Variants in MAGT1 observed in about 807,000 individuals in gnomAD.
MAGT1 encodes dolichyl-diphosphooligosaccharide--protein glycosyltransferase subunit MAGT1.
Under a neutral mutation model 28.4 loss-of-function variants are expected in MAGT1, and 4 were observed. The ratio of observed to expected loss-of-function variants is 0.14; its 90% CI spans 0.07 to 0.32. The LOEUF (loss-of-function observed/expected upper bound fraction) is 0.32. Among genes scored for constraint, MAGT1 ranks in the 10% least tolerant of loss-of-function variants. MAGT1 has a pLI of 1.00. For missense variants in MAGT1, 193 were observed against 264.5 expected, an observed-to-expected ratio of 0.73 and a Z score of 1.88; for synonymous variants, 89 against 89.7, an observed-to-expected ratio of 0.99 and a Z score of 0.04.
At chrX:77,869,110 G>T (rs2077014338) in intron 3 of MAGT1, among the ~76,000 whole-genome samples, 1 of 111,311 alleles carries the variant, frequency 9.0e-6, no homozygotes, top group Admixed American at 9.6e-5. Flanking sequence ...CCGCTTCCTG[G>T]GTTCAAGTGA....
intron 1 of MAGT1, among the ~76,000 whole-genome samples, chrX:77,883,840 G>A (rs1022758484): frequency 6.4e-5 from 7 of 109,952 alleles, no homozygotes; most frequent in Non-Finnish European, 1.1e-4. Flanking sequence ...ACCTTGCCCC[G>A]ACTGGGTTCA....
intron 9 of MAGT1, 111 bp from the exon 10 acceptor site, chrX:77,829,346 T>C (rs921343581): frequency 8.8e-6 from 5 of 569,159 alleles, no homozygotes; most frequent in Non-Finnish European, 1.4e-5. Flanking sequence ...TTTTGGTACG[T>C]ACATGATAAT....
rs1557218018 is a variant in MAGT1, at chrX:77,877,856, AT to A, written c.103-2260del. On this transcript the variant is annotated intron_variant, in intron 1 of 9. Coordinates refer to ENST00000618282, the MANE Select transcript of MAGT1 (RefSeq NM_001367916.1). ...ATAAAATAAAATAAAATAAAATAAA[AT>A]AAAATAAAATAAAATATACTGACAA... Among the ~76,000 whole-genome samples, 53 of 107,231 alleles carry A rather than the reference AT, an allele frequency of 4.9e-4. 2 individuals carry two copies. In the East Asian group the frequency reaches 0.012, roughly 25 times the overall value. 93.1% of individuals were successfully genotyped at this position (107,231 alleles called of 115,157 possible).
intron 1 of MAGT1, among the ~76,000 whole-genome samples, chrX:77,889,140 ATTT>A (rs782124850): frequency 1.5e-5 from 1 of 68,300 alleles, no homozygotes; most frequent in African/African-American, 5.6e-5. Context: ...ATGCTCTGCT[ATTT>A]TTTTTTTTTT....
At chrX:77,891,131 A>G (rs2077081085) in intron 1 of MAGT1, among the ~76,000 whole-genome samples, 1 of 110,874 alleles carries the variant, frequency 9.0e-6, no homozygotes, top group Non-Finnish European at 1.9e-5. Context: ...CTTCCCTTCC[A>G]CAACAGGGGG....
chrX:77,864,341 G>C (rs2077003030), intron 3 of MAGT1, among the ~76,000 whole-genome samples: 1 of 110,358 alleles, frequency 9.1e-6, no homozygotes, highest in Non-Finnish European at 1.9e-5. Flanking sequence ...CAGTTAGAAG[G>C]AGTAAGATCT....
At chrX:77,870,724 G>A (rs1337878564) in intron 3 of MAGT1, 84 bp downstream of exon 3, 5 of 670,212 alleles carry the variant, frequency 7.5e-6, no homozygotes, top group Non-Finnish European at 9.7e-6. Context: ...CCCATTTAAT[G>A]TCTTATAGCC....
At chrX:77,882,824 G>A (rs148008286) in intron 1 of MAGT1, among the ~76,000 whole-genome samples, 11 of 106,571 alleles carry the variant, frequency 1.0e-4, no homozygotes, top group East Asian at 5.8e-4. Context: ...AAAATTGGTC[G>A]GATGTGGTGG....
At chrX:77,842,265 A>AT (rs1569547890) in intron 7 of MAGT1, among the ~76,000 whole-genome samples, 3 of 108,833 alleles carry the variant, frequency 2.8e-5, no homozygotes, top group African/African-American at 1.0e-4. Flanking sequence ...CTGGTGGCAC[A>AT]TACCTGTAGT....
At chrX:77,838,529 G>C (rs1291196403) in intron 8 of MAGT1, among the ~76,000 whole-genome samples, 2 of 110,247 alleles carry the variant, frequency 1.8e-5, no homozygotes, top group Non-Finnish European at 3.8e-5. Flanking sequence ...GGAGGCTGAG[G>C]CAGGCACATC....
Position 77,826,083 on chromosome X carries a change from G to A in MAGT1, c.*3137C>T, listed in dbSNP as rs2076882420. 8.9e-6 allele frequency among the ~76,000 whole-genome samples: 1 copy of A among 112,091 alleles called. No individual in the cohort carries two copies. Among genetic ancestry groups the A allele is most frequent in the Admixed American group, 9.5e-5 (1 of 10,477 alleles). On this transcript the variant is annotated 3_prime_UTR_variant, in exon 10 of 10. Transcript: ENST00000618282. ...GAATGTTCACTGTCTGGGACGAAAG[G>A]TAGATCAATTGTTGCAAACAGTCAT...
At chrX:77,871,084 T>A (rs1441399720) in intron 2 of MAGT1, among the ~76,000 whole-genome samples, 159 bp from the exon 3 acceptor site, 1 of 112,270 alleles carries the variant, frequency 8.9e-6, no homozygotes, top group Non-Finnish European at 1.9e-5. Context: ...GCTGACAGGG[T>A]TAAGACAAAT....
intron 1 of MAGT1, among the ~76,000 whole-genome samples, chrX:77,878,574 G>A (rs183362232): frequency 7.8e-4 from 83 of 106,878 alleles, no homozygotes; most frequent in African/African-American, 1.6e-3. Flanking sequence ...ATCACCTGAG[G>A]TCAGGAGTTT....
chrX:77,877,271 C>T (rs1375267819), intron 1 of MAGT1, among the ~76,000 whole-genome samples: 1 of 109,597 alleles, frequency 9.1e-6, no homozygotes, highest in Non-Finnish European at 1.9e-5. Context: ...GTGGGCAGAT[C>T]ACTTGAGGCT....
chrX:77,887,896 T>C (rs1414436873), intron 1 of MAGT1, among the ~76,000 whole-genome samples: 1 of 111,846 alleles, frequency 8.9e-6, no homozygotes, highest in Non-Finnish European at 1.9e-5. Flanking sequence ...CAACTTCTGC[T>C]TCCCGGGTTC....
At chrX:77,877,013 C>CAAAAAAAA (rs782800456) in intron 1 of MAGT1, among the ~76,000 whole-genome samples, 3 of 10,637 alleles carry the variant, frequency 2.8e-4, no homozygotes, top group Non-Finnish European at 3.8e-4. Flanking sequence ...AACTCCATCT[C>CAAAAAAAA]AAAAAAAAAA....
intron 7 of MAGT1, among the ~76,000 whole-genome samples, chrX:77,849,355 T>C (rs183029089): frequency 1.0e-3 from 110 of 110,287 alleles, no homozygotes; most frequent in African/African-American, 3.4e-3. Context: ...GCTGGTATTA[T>C]AGGCATGAGC....
rs72197791 is a variant in MAGT1 at position 77,832,822 on chromosome X, C to CAA, written c.902-1929_902-1928dup. ...TAGGCGAAAAAGCAAGCCTCTGTCT[C>CAA]AAAAAAAAAAAAAAAAAAAAAAAAA... On this transcript the variant is annotated intron_variant, in intron 8 of 9. Transcript: ENST00000618282. Among the ~76,000 whole-genome samples the CAA allele has an allele frequency of 4.0e-4, 13 of 32,347 alleles. 1 individual carries two copies. Among genetic ancestry groups the CAA allele is most frequent in the African/African-American group, 1.1e-3 (8 of 7,098 alleles). 28.1% of individuals were successfully genotyped at this position (32,347 alleles called of 115,157 possible). A position where few individuals can be genotyped will look rare whatever the true frequency, so the allele number is the denominator to read the frequency against.
intron 7 of MAGT1, among the ~76,000 whole-genome samples, chrX:77,848,800 C>A (rs1411664958): frequency 1.8e-5 from 2 of 110,483 alleles, no homozygotes; most frequent in Middle Eastern, 4.7e-3. Flanking sequence ...ATTGTTTGAG[C>A]CCAGGAGATT....
Sources: gnomAD v4.1 joint callset for allele counts (sites outside exome capture counted in the v4.1 genomes callset) on GRCh38, gnomAD v4.1.1 for gene constraint, MANE v1.5 for transcripts, NCBI Gene and HGNC (gene_info 2026-07-23, HGNC 2026-07-21) for gene names.